SUGCT: variants seen among roughly 807,000 people sequenced by gnomAD.
The protein encoded by SUGCT is succinyl-CoA:glutarate-CoA transferase.
Under a neutral mutation model 55.0 loss-of-function variants are expected in SUGCT, and 41 were observed. The ratio of observed to expected loss-of-function variants is 0.74; its 90% CI spans 0.58 to 0.97. SUGCT has a LOEUF of 0.97. SUGCT is among the 50% of genes least tolerant of loss of function. SUGCT has a pLI of 0.00. For missense variants in SUGCT, 568 were observed against 547.8 expected (o/e 1.04, Z -0.37); for synonymous variants, 187 against 200.4 (o/e 0.93, Z 0.56).
In SUGCT at chr7:40,754,344, A is replaced by G. The variant is rs367818111; in HGVS notation, c.1153+4847A>G. On this transcript the variant is annotated intron_variant, in intron 13 of 13. Transcript: ENST00000335693. The stretch of plus-strand genomic sequence containing the variant: ...TTAGTTTGAGGTCACCATTAGCTTA[A>G]TGATAGAAGTGTCAGCATGATAGGC... Among the ~76,000 whole-genome samples the G allele has an allele frequency of 3.9e-5, 6 of 152,198 alleles. No homozygotes were observed. In the East Asian group the frequency reaches 9.6e-4, roughly 24 times the overall value.
At chr7:40,144,260 A>G (rs1788133248) in intron 1 of SUGCT, among the ~76,000 whole-genome samples, 1 of 152,212 alleles carries the variant, frequency 6.6e-6, no homozygotes, top group African/African-American at 2.4e-5. Context: ...GGCAAGCATC[A>G]AATGCAATAG....
chr7:40,994,630 G>T, the SUGCT span, among the ~76,000 whole-genome samples: 13 of 152,196 alleles, frequency 8.5e-5, no homozygotes, highest in African/African-American at 3.1e-4. Flanking sequence ...CTCCTTGTGG[G>T]TTAGTCCATG....
chr7:40,164,549 TATTA>T (rs1376584576), intron 1 of SUGCT, among the ~76,000 whole-genome samples: 2 of 152,238 alleles, frequency 1.3e-5, no homozygotes, highest in East Asian at 1.9e-4. Context: ...AGAAAATTAA[TATTA>T]ATTAGTTGAA....
At position 40,855,656 on chromosome 7, in the gene SUGCT, A is replaced by G. The variant is rs1195029913; in HGVS notation, c.1154-4660A>G. ...AAAAAGATCTGGATGCCTGGCATTG[A>G]TTTTTCTTTGTTGTTGAGGATGTTT... On this transcript the variant is annotated intron_variant, in intron 13 of 13. Transcript: ENST00000335693. 2.0e-5 allele frequency among the ~76,000 whole-genome samples: 3 copies of G among 151,938 alleles called. No individual in the cohort carries two copies. In the East Asian group the frequency reaches 5.8e-4, roughly 29 times the overall value.
chr7:40,392,076 T>C (rs867060546), intron 9 of SUGCT, among the ~76,000 whole-genome samples: 5 of 152,216 alleles, frequency 3.3e-5, no homozygotes, highest in Admixed American at 2.0e-4. Flanking sequence ...TAGGTGGGAA[T>C]TGAACAATGA....
chr7:40,969,412 G>T, the SUGCT span, among the ~76,000 whole-genome samples: 1 of 152,196 alleles, frequency 6.6e-6, no homozygotes, highest in Admixed American at 6.5e-5. Context: ...CCAGCCTGGA[G>T]TGCAGTGGCA....
chr7:40,340,908 T>C (rs747525522), intron 9 of SUGCT, among the ~76,000 whole-genome samples: 3 of 152,206 alleles, frequency 2.0e-5, no homozygotes, highest in Non-Finnish European at 4.4e-5. Flanking sequence ...TGTCATCATG[T>C]CTTTTGAAGC....
chr7:40,151,100 C>T (rs1303105079), intron 1 of SUGCT, among the ~76,000 whole-genome samples: 3 of 152,036 alleles, frequency 2.0e-5, no homozygotes, highest in East Asian at 1.9e-4. Flanking sequence ...ATTAGCTAGG[C>T]GTGGTGGCGT....
intron 9 of SUGCT, among the ~76,000 whole-genome samples, chr7:40,327,116 T>A: frequency 6.6e-6 from 1 of 152,246 alleles, no homozygotes; most frequent in East Asian, 1.9e-4. Flanking sequence ...GTTGGTTTTC[T>A]GGTAAATTAA....
intron 6 of SUGCT, among the ~76,000 whole-genome samples, chr7:40,203,792 GA>G (rs894266682): frequency 2.0e-5 from 3 of 150,410 alleles, no homozygotes; most frequent in East Asian, 2.0e-4. Context: ...AAAAAAGAAA[GA>G]AAAAAAAGAA....
chr7:40,700,861 T>C (rs988229346), intron 12 of SUGCT, among the ~76,000 whole-genome samples: 1 of 152,178 alleles, frequency 6.6e-6, no homozygotes, highest in Non-Finnish European at 1.5e-5. Context: ...GGAGACTAGA[T>C]GCGACCCACA....
At chr7:40,800,362 C>G (rs1790755325) in intron 13 of SUGCT, among the ~76,000 whole-genome samples, 1 of 150,872 alleles carries the variant, frequency 6.6e-6, no homozygotes, top group Non-Finnish European at 1.5e-5. Flanking sequence ...AATCTCAGCT[C>G]ACTGCAACCT....
chr7:40,901,503 G>A, the SUGCT span, among the ~76,000 whole-genome samples: 1 of 135,198 alleles, frequency 7.4e-6, no homozygotes, highest in Admixed American at 8.1e-5. Context: ...TGCAGTTGGT[G>A]TGCATCCAAT....
At position 40,237,681 on chromosome 7, in the gene SUGCT, T is replaced by C. The variant is rs369796988; in HGVS notation, c.531T>C (p.Ala177=). 3.1e-5 allele frequency: 50 copies of C among 1,613,964 alleles called. No individual in the cohort carries two copies. The African/African-American group carries it at 6.4e-4, about 21-fold the overall frequency. Residue 177 remains alanine (A), a synonymous_variant, in exon 7 of 14, where the codon GCT becomes GCC. Transcript: ENST00000335693. ...TTTCTCAGCGAGCTGGTTATGATGC[T>C]GTTGCCTCGGCTGTTTCTGGTCTGA... ...GPISQRAGYD[A]VASAVSGLMH...
intron 8 of SUGCT, among the ~76,000 whole-genome samples, chr7:40,301,929 G>A (rs1794562325): frequency 6.6e-6 from 1 of 152,216 alleles, no homozygotes; most frequent in African/African-American, 2.4e-5. Flanking sequence ...TCCTTTAGTT[G>A]TAGAGAAAGC....
intron 7 of SUGCT, 56 bp downstream of exon 7, chr7:40,237,782 AT>A: frequency 6.9e-7 from 1 of 1,452,130 alleles, no homozygotes; most frequent in Non-Finnish European, 9.7e-7. Flanking sequence ...TTCCAAAAGG[AT>A]TTTACTCTGC....
At chr7:40,996,669 T>G in the SUGCT span, among the ~76,000 whole-genome samples, 2 of 152,178 alleles carry the variant, frequency 1.3e-5, no homozygotes, top group Admixed American at 6.5e-5. Flanking sequence ...TGAGATGCCT[T>G]TTGTGCCAAG....
chr7:40,354,690 G>C (rs1321748367), intron 9 of SUGCT, among the ~76,000 whole-genome samples: 1 of 152,216 alleles, frequency 6.6e-6, no homozygotes, highest in Non-Finnish European at 1.5e-5. Flanking sequence ...TGCAATTCCA[G>C]AGAGAATGAA....
At chr7:40,160,990 G>A (rs1246694238) in intron 1 of SUGCT, among the ~76,000 whole-genome samples, 1 of 152,064 alleles carries the variant, frequency 6.6e-6, no homozygotes, top group Non-Finnish European at 1.5e-5. Context: ...TATGTATTAA[G>A]AGTATTAAGG....
Sources: gnomAD v4.1 joint callset for allele counts (sites outside exome capture counted in the v4.1 genomes callset) on GRCh38, gnomAD v4.1.1 for gene constraint, MANE v1.5 for transcripts, NCBI Gene and HGNC (gene_info 2026-07-23, HGNC 2026-07-21) for gene names.